Variants in SFMBT2 observed in about 807,000 individuals in gnomAD.
The protein encoded by SFMBT2 is Scm like with four mbt domains 2.
SFMBT2 carries 38 observed loss-of-function variants against 110.1 expected under a neutral mutation model. The observed-to-expected ratio is 0.35, with a 90% CI of 0.27 to 0.45. The LOEUF is 0.45. Among genes scored for constraint, SFMBT2 ranks in the 20% least tolerant of loss-of-function variants. SFMBT2 has a pLI of 1.00. For missense variants in SFMBT2, 1,011 were observed against 1,094.9 expected (o/e 0.92, Z 1.08); for synonymous variants, 425 against 425.4 (o/e 1.00, Z 0.01).
At chr10:7,228,014 G>T in intron 9 of SFMBT2, 77 bp from the exon 10 acceptor site, 2 of 1,029,722 alleles carry the variant, frequency 1.9e-6, no homozygotes, top group Non-Finnish European at 2.8e-6. Flanking sequence ...CAGAAGGGGT[G>T]AAAGTTTAGG....
intron 1 of SFMBT2, among the ~76,000 whole-genome samples, chr10:7,405,452 A>G (rs1846185505): frequency 6.6e-6 from 1 of 152,232 alleles, no homozygotes. Context: ...TCCAGAGCAC[A>G]GATGAAAACA....
intron 15 of SFMBT2, among the ~76,000 whole-genome samples, chr10:7,192,421 C>T (rs966580390): frequency 7.9e-5 from 12 of 152,188 alleles, no homozygotes; most frequent in African/African-American, 2.7e-4. Context: ...CTCCTACCAC[C>T]AAGTCTATGA....
At chr10:7,346,731 A>T (rs1844122574) in intron 4 of SFMBT2, among the ~76,000 whole-genome samples, 1 of 150,954 alleles carries the variant, frequency 6.6e-6, no homozygotes, top group Non-Finnish European at 1.5e-5. Flanking sequence ...GCACTTTGGG[A>T]GGCCGAGATA....
chr10:7,221,121 C>G (rs182975885), intron 10 of SFMBT2, among the ~76,000 whole-genome samples: 1 of 151,986 alleles, frequency 6.6e-6, no homozygotes, highest in Non-Finnish European at 1.5e-5. Context: ...CCACCGTGCC[C>G]GGCTGCACCC....
chr10:7,283,685 CCTAAGGCCT>C (rs2131841021), intron 6 of SFMBT2, among the ~76,000 whole-genome samples: 1 of 152,300 alleles, frequency 6.6e-6, no homozygotes, highest in South Asian at 2.1e-4. Flanking sequence ...GATCAATTTC[CCTAAGGCCT>C]CTAACATTGC....
intron 4 of SFMBT2, among the ~76,000 whole-genome samples, chr10:7,311,045 C>CAAAAAAAAAAAAAAAAAACAA (rs1842841674): frequency 1.0e-5 from 1 of 96,936 alleles, no homozygotes; most frequent in African/African-American, 3.9e-5. Context: ...AACTCCATCT[C>CAAAAAAAAAAAAAAAAAACAA]AAAAAAAAAA....
intron 4 of SFMBT2, among the ~76,000 whole-genome samples, chr10:7,323,457 AAAAAAAAAAAACC>A (rs1275913078): frequency 1.6e-5 from 2 of 122,660 alleles, no homozygotes; most frequent in African/African-American, 6.8e-5. Flanking sequence ...TCTCAAAAAA[AAAAAAAAAAAACC>A]AAAAAAAAAA....
At chr10:7,308,644 C>T (rs1315519010) in intron 4 of SFMBT2, among the ~76,000 whole-genome samples, 1 of 152,138 alleles carries the variant, frequency 6.6e-6, no homozygotes, top group Non-Finnish European at 1.5e-5. Context: ...TGTGATAGTC[C>T]TGGCTCCCCT....
chr10:7,250,804 G>A (rs1840781566), intron 7 of SFMBT2, among the ~76,000 whole-genome samples: 1 of 152,142 alleles, frequency 6.6e-6, no homozygotes, highest in Non-Finnish European at 1.5e-5. Context: ...ATCTCCTTGT[G>A]GTTTTGATTT....
At chr10:7,396,105 G>A (rs1845919016) in intron 1 of SFMBT2, among the ~76,000 whole-genome samples, 1 of 152,146 alleles carries the variant, frequency 6.6e-6, no homozygotes, top group African/African-American at 2.4e-5. Context: ...TGTGGTGGTG[G>A]GCACCTGTAA....
chr10:7,346,988 T>TCAAAACAAAACAAAACAAAA (rs71515471), intron 4 of SFMBT2, among the ~76,000 whole-genome samples: 38 of 150,374 alleles, frequency 2.5e-4, no homozygotes, highest in African/African-American at 8.6e-4. Context: ...AGACTCTGTC[T>TCAAAACAAAACAAAACAAAA]CAAAACAAAA....
At chr10:7,195,787 C>T (rs893244469) in intron 15 of SFMBT2, among the ~76,000 whole-genome samples, 1 of 152,190 alleles carries the variant, frequency 6.6e-6, no homozygotes, top group Non-Finnish European at 1.5e-5. Context: ...CAGGTCCTGT[C>T]CTGGAACCTG....
intron 12 of SFMBT2, chr10:7,203,247 T>C (rs1839016534): frequency 3.4e-6 from 1 of 294,926 alleles, no homozygotes; most frequent in Non-Finnish European, 5.0e-6. Flanking sequence ...AAGCAAAATG[T>C]ATGTGCAAGA....
At chr10:7,386,155 AG>A (rs1322032399) in intron 1 of SFMBT2, among the ~76,000 whole-genome samples, 4 of 152,214 alleles carry the variant, frequency 2.6e-5, no homozygotes, top group Non-Finnish European at 5.9e-5. Context: ...GCTCATGCTC[AG>A]GGACGGCTTC....
At chr10:7,280,574 C>T (rs1474498517) in intron 6 of SFMBT2, among the ~76,000 whole-genome samples, 1 of 152,184 alleles carries the variant, frequency 6.6e-6, no homozygotes, top group Non-Finnish European at 1.5e-5. Flanking sequence ...ACGACCCTAA[C>T]CTCAATGACG....
intron 1 of SFMBT2, among the ~76,000 whole-genome samples, chr10:7,385,821 A>C (rs185809460): frequency 0.014 from 2,177 of 152,092 alleles, 49 homozygotes; most frequent in African/African-American, 0.05. Flanking sequence ...AACACGGTGA[A>C]ACCCCGTCTC....
rs549695368 is a variant in SFMBT2 at position 7,335,478 on chromosome 10, C to T, written c.436+32171G>A. On this transcript the variant is annotated intron_variant, in intron 4 of 20. Transcript: ENST00000397167. ...TGCTTCTGGAGTAAGCCTGCACCCC[C>T]GGTTGCTATGGAGAATCTGCAGACC... is the stretch of plus-strand genomic sequence containing the variant. 7.9e-5 allele frequency among the ~76,000 whole-genome samples: 12 copies of T among 152,072 alleles called. No homozygotes were observed. In the South Asian group the frequency reaches 1.0e-3, roughly 13 times the overall value.
At chr10:7,331,354 G>A (rs1382206615) in intron 4 of SFMBT2, among the ~76,000 whole-genome samples, 2 of 152,168 alleles carry the variant, frequency 1.3e-5, no homozygotes, top group African/African-American at 4.8e-5. Flanking sequence ...GGAAAGCCAG[G>A]TGAAAACTGT....
rs142899789 is a variant in SFMBT2 at position 7,190,934 on chromosome 10, C to T, written c.1699-2201G>A. Among the ~76,000 whole-genome samples the T allele has an allele frequency of 2.1e-3, 316 of 152,256 alleles. 1 individual carries two copies. Among genetic ancestry groups the T allele is most frequent in the Admixed American group, 3.7e-3 (56 of 15,288 alleles). On this transcript the variant is annotated intron_variant, in intron 15 of 20. Coordinates refer to ENST00000397167, the MANE Select transcript of SFMBT2 (RefSeq NM_001387889.1). ...GGGGTGGTTTCCCCCATAATGTTCTCGTGGTAGTGAATAAGTCTCATGAGA... is the reference window on the plus strand; with the variant it reads ...GGGGTGGTTTCCCCCATAATGTTCTTGTGGTAGTGAATAAGTCTCATGAGA...
Sources: gnomAD v4.1 joint callset for allele counts (sites outside exome capture counted in the v4.1 genomes callset) on GRCh38, gnomAD v4.1.1 for gene constraint, MANE v1.5 for transcripts, NCBI Gene and HGNC (gene_info 2026-07-23, HGNC 2026-07-21) for gene names.